The following AMPD3 variants were observed in gnomAD, a reference collection of about 807,000 sequenced individuals.
The protein encoded by AMPD3 is adenosine monophosphate deaminase 3, also known as AMP deaminase 3.
In AMPD3, 57 loss-of-function variants were observed where a neutral mutation model predicts 82.3. The observed-to-expected ratio is 0.69, with a 90% CI of 0.56 to 0.86. The LOEUF is 0.86. Ranked by LOEUF, AMPD3 falls within the 40% of genes least tolerant of loss-of-function variation. The probability of loss-of-function intolerance (pLI) is 0.00; values close to 1 mark genes in which losing one functional copy is unlikely to be tolerated. For missense variants in AMPD3, 870 were observed against 1,003.8 expected, an observed-to-expected ratio of 0.87 and a Z score of 1.80; for synonymous variants, 381 against 394.7, an observed-to-expected ratio of 0.97 and a Z score of 0.41.
intron 1 of AMPD3, among the ~76,000 whole-genome samples, chr11:10,458,816 C>T (rs531238028): frequency 9.2e-5 from 14 of 152,250 alleles, no homozygotes; most frequent in African/African-American, 3.1e-4. Context: ...AGTAAAGTTG[C>T]TTAGTCAAAT....
chr11:10,495,083 C>T (rs1220487691), intron 8 of AMPD3, 53 bp downstream of exon 8: 9 of 1,613,394 alleles, frequency 5.6e-6, no homozygotes, highest in African/African-American at 5.3e-5. Context: ...CCAACATCTG[C>T]CTTCAGAGAG....
intron 12 of AMPD3, chr11:10,502,243 A>T: frequency 3.0e-6 from 3 of 985,150 alleles, no homozygotes; most frequent in Non-Finnish European, 2.4e-6. Context: ...ACAGTAGAAA[A>T]CCACTCTATC....
intron 10 of AMPD3, chr11:10,497,477 C>T (rs949000773): frequency 9.6e-5 from 67 of 694,504 alleles, no homozygotes; most frequent in South Asian, 1.9e-4. Context: ...GGGCGGGAGC[C>T]GGTCCCACCC....
chr11:10,474,173 G>A (rs1478631285), intron 2 of AMPD3, among the ~76,000 whole-genome samples: 3 of 152,152 alleles, frequency 2.0e-5, no homozygotes, highest in Admixed American at 1.3e-4. Flanking sequence ...CATCACAGTC[G>A]GCCCCTGGAG....
chr11:10,487,212 C>G, intron 5 of AMPD3, 23 bp from the exon 6 acceptor site: 1 of 1,613,826 alleles, frequency 6.2e-7, no homozygotes, highest in African/African-American at 1.3e-5. Context: ...CAACTATGGT[C>G]TCTCCCCATC....
At chr11:10,497,079 A>G in intron 10 of AMPD3, 141 bp downstream of exon 10, 1 of 1,085,504 alleles carries the variant, frequency 9.2e-7, no homozygotes. Flanking sequence ...TGGGGTCACC[A>G]GCCCCAAGAA....
chr11:10,487,200 C>T (rs1591470458), intron 5 of AMPD3, 35 bp from the exon 6 acceptor site: 1 of 1,613,546 alleles, frequency 6.2e-7, no homozygotes, highest in Non-Finnish European at 8.5e-7. Flanking sequence ...CTCGATGCGA[C>T]TCAACTATGG....
At chr11:10,495,160 G>A (rs1849356802) in intron 8 of AMPD3, 130 bp downstream of exon 8, 2 of 1,593,584 alleles carry the variant, frequency 1.3e-6, no homozygotes, top group Non-Finnish European at 1.7e-6. Flanking sequence ...GGAAGGGTGA[G>A]GTGCCCAGGT....
At chr11:10,462,698 A>G (rs1848306121) in intron 2 of AMPD3, among the ~76,000 whole-genome samples, 1 of 152,196 alleles carries the variant, frequency 6.6e-6, no homozygotes, top group Non-Finnish European at 1.5e-5. Flanking sequence ...TATGAAAGAG[A>G]TGAATAAGGA....
At chr11:10,502,445 C>T (rs1487158169) in intron 12 of AMPD3, 1 of 985,340 alleles carries the variant, frequency 1.0e-6, no homozygotes, top group African/African-American at 1.7e-5. Context: ...CTGCCCTGAG[C>T]CTTGCCTCCA....
intron 2 of AMPD3, among the ~76,000 whole-genome samples, chr11:10,472,960 C>A (rs11042827): frequency 0.054 from 8,262 of 152,108 alleles, 340 homozygotes; most frequent in South Asian, 0.21. Context: ...GCCAAGATCA[C>A]CCCACTGCTC....
chr11:10,473,577 G>A, intron 2 of AMPD3: 1 of 985,420 alleles, frequency 1.0e-6, no homozygotes, highest in Admixed American at 6.1e-5. Context: ...TAGAATCAAA[G>A]TTACACCCAC....
chr11:10,459,462 T>G (rs541809840), intron 1 of AMPD3, among the ~76,000 whole-genome samples: 104 of 152,174 alleles, frequency 6.8e-4, no homozygotes, highest in African/African-American at 2.4e-3. Context: ...ATGAGAACAT[T>G]GTGAGGCCGG....
intron 5 of AMPD3, 49 bp from the exon 6 acceptor site, chr11:10,487,186 A>T (rs1359225867): frequency 6.2e-7 from 1 of 1,612,008 alleles, no homozygotes; most frequent in Admixed American, 1.7e-5. Flanking sequence ...TCCAAACTGG[A>T]GAGCTCGATG....
intron 2 of AMPD3, among the ~76,000 whole-genome samples, chr11:10,463,662 A>G (rs1471086881): frequency 6.6e-6 from 1 of 152,246 alleles, no homozygotes; most frequent in Non-Finnish European, 1.5e-5. Flanking sequence ...TGGGCCTGAC[A>G]TCTGCTGAAG....
At chr11:10,455,949 A>T in intron 1 of AMPD3, 2 of 985,318 alleles carry the variant, frequency 2.0e-6, no homozygotes, top group Non-Finnish European at 2.4e-6. Flanking sequence ...GCTCGTTGCT[A>T]CTCAGCTTTC....
At chr11:10,480,961 G>T (rs1255341314) in intron 3 of AMPD3, among the ~76,000 whole-genome samples, 1 of 152,114 alleles carries the variant, frequency 6.6e-6, no homozygotes, top group Non-Finnish European at 1.5e-5. Context: ...AGATTAATGA[G>T]CCTGTTGGAA....
In AMPD3 at chr11:10,506,070, G is replaced by A; in HGVS notation, c.*186G>A. ...AACATGCTCACTTGTTAGTATTTCT[G>A]AGTAACAAGATGGTGACTTCTCCTT... On this transcript the variant is annotated 3_prime_UTR_variant, in exon 15 of 15. Transcript: ENST00000396553. The surrounding 1 kb of genome is among the most constrained non-coding windows in gnomAD (Gnocchi z 4.1). 1 of 666,678 alleles carries A rather than the reference G, an allele frequency of 1.5e-6. No individual in the cohort carries two copies. Among genetic ancestry groups the A allele is most frequent in the Non-Finnish European group, 2.7e-6 (1 of 375,890 alleles). 41.3% of individuals were successfully genotyped at this position (666,678 alleles called of 1,614,324 possible).
chr11:10,482,241 T>A lies in AMPD3; in HGVS notation c.589+16T>A, dbSNP rs1239641224. The A allele has an allele frequency of 1.9e-6, 3 of 1,610,496 alleles. No individual in the cohort carries two copies. Among genetic ancestry groups the A allele is most frequent in the Middle Eastern group, 2.2e-4 (1 of 4,606 alleles). On this transcript the variant is annotated intron_variant, in intron 4 of 14. Coordinates refer to ENST00000396553, the MANE Select transcript of AMPD3 (RefSeq NM_001025389.2). ...GGCCTTCCAGGTATGGAGCTCTGGC[T>A]GGAGGTTGGGTCCCAAGTGTGGGCA...
Sources: allele counts gnomAD v4.1 joint callset (sites outside exome capture counted in the v4.1 genomes callset), GRCh38; gene constraint gnomAD v4.1.1; non-coding constraint Gnocchi (gnomAD v3.1); transcripts MANE v1.5; gene names NCBI Gene and HGNC (gene_info 2026-07-23, HGNC 2026-07-21).